CXADR: variants seen among roughly 807,000 people sequenced by gnomAD.
The protein encoded by CXADR is coxsackievirus and adenovirus receptor.
A neutral mutation model predicts 40.3 loss-of-function variants in CXADR; 20 were observed. The ratio of observed to expected loss-of-function variants is 0.50; its 90% confidence interval spans 0.35 to 0.72. CXADR has a LOEUF of 0.72. Among genes scored for constraint, CXADR ranks in the 30% least tolerant of loss-of-function variants. The pLI, the probability that CXADR is intolerant of heterozygous loss-of-function variation, is 0.01. For missense variants in CXADR, 332 were observed against 449.1 expected, an observed-to-expected ratio of 0.74 and a Z score of 2.36; for synonymous variants, 150 against 161.3, an observed-to-expected ratio of 0.93 and a Z score of 0.53.
At chr21:17,628,015 A>T in the CXADR span, among the ~76,000 whole-genome samples, 167 of 152,348 alleles carry the variant, frequency 1.1e-3, 1 homozygote, top group Middle Eastern at 0.014. Flanking sequence ...GTAGAACTCA[A>T]CTTTTCCTTT....
At chr21:17,598,129 G>A (rs1157230355), downstream of CXADR, among the ~76,000 whole-genome samples, 2 of 152,056 alleles carry the variant, frequency 1.3e-5, no homozygotes, top group African/African-American at 2.4e-5. Context: ...GTAAGTGCAG[G>A]CACACTAGCT....
At chr21:17,536,871 C>G (rs1425759643) in intron 1 of CXADR, among the ~76,000 whole-genome samples, 7 of 152,142 alleles carry the variant, frequency 4.6e-5, no homozygotes, top group African/African-American at 1.7e-4. Flanking sequence ...ATTCTCCTGC[C>G]TCAGCCTCCC....
At chr21:17,535,910 A>T (rs2060749047) in intron 1 of CXADR, among the ~76,000 whole-genome samples, 1 of 152,166 alleles carries the variant, frequency 6.6e-6, no homozygotes, top group Non-Finnish European at 1.5e-5. Flanking sequence ...CGAGAGGCTA[A>T]GGTGGGAGGA....
chr21:17,542,971 G>A, intron 1 of CXADR: 1 of 276,594 alleles, frequency 3.6e-6, no homozygotes, highest in Non-Finnish European at 7.4e-6. Context: ...CTTCAGTGTT[G>A]CTAGGAAACC....
At chr21:17,562,447 G>A (rs1347646462) in intron 6 of CXADR, among the ~76,000 whole-genome samples, 4 of 152,178 alleles carry the variant, frequency 2.6e-5, no homozygotes, top group Non-Finnish European at 4.4e-5. Flanking sequence ...TCAGCTTTCC[G>A]AGTATCTGGG....
intron 6 of CXADR, 70 bp downstream of exon 6, chr21:17,561,546 CTTA>C (rs2061121819): frequency 2.2e-5 from 29 of 1,327,382 alleles, no homozygotes; most frequent in Non-Finnish European, 3.0e-5. Context: ...CATTCGTTCT[CTTA>C]TTAACCACCC....
rs187852824 is a variant in CXADR at position 17,580,719 on chromosome 21, A to G, written c.1018-12433A>G. ...ATACTTACTCTATCCTTATACTGGC[A>G]TATACATGTATTTTTTAAAAAATAA... On this transcript the variant is annotated intron_variant, in intron 7 of 7. Coordinates refer to the CXADR transcript ENST00000400169. Among the ~76,000 whole-genome samples, 547 of 152,292 alleles carry G rather than the reference A, an allele frequency of 3.6e-3. 3 individuals are homozygous for G. Among genetic ancestry groups the G allele is most frequent in the Non-Finnish European group, 6.5e-3 (439 of 68,018 alleles).
chr21:17,620,196 T>C, the CXADR span, among the ~76,000 whole-genome samples: 13 of 152,350 alleles, frequency 8.5e-5, no homozygotes, highest in Non-Finnish European at 1.6e-4. Flanking sequence ...CTAAACTTAA[T>C]CATCTCTAGC....
Position 17,567,340 on chromosome 21 carries a change from A to G in CXADR, c.*1648A>G. ...TTTGTGTATAGTTTTACATATTTGGAAGCATTTTAAAAACAGGTTTTAACC... is the reference window on the plus strand; with the variant it reads ...TTTGTGTATAGTTTTACATATTTGGGAGCATTTTAAAAACAGGTTTTAACC... On this transcript the variant is annotated 3_prime_UTR_variant, in exon 7 of 7. Transcript: ENST00000284878. 7.1e-6 allele frequency: 7 copies of G among 985,280 alleles called. No individual in the cohort carries two copies. Among genetic ancestry groups the G allele is most frequent in the Non-Finnish European group, 8.4e-6 (7 of 829,790 alleles). 61.0% of individuals were successfully genotyped at this position (985,280 alleles called of 1,614,324 possible).
chr21:17,542,500 CTG>C (rs2060842640), intron 1 of CXADR, among the ~76,000 whole-genome samples: 1 of 152,118 alleles, frequency 6.6e-6, no homozygotes, highest in Non-Finnish European at 1.5e-5. Flanking sequence ...ATAAGTCAGA[CTG>C]TGCAGAAGAG....
chr21:17,527,724 A>G (rs2060614407), intron 1 of CXADR, among the ~76,000 whole-genome samples: 2 of 152,162 alleles, frequency 1.3e-5, no homozygotes. Flanking sequence ...CCACCTTGGG[A>G]ACCCCTCATC....
intron 1 of CXADR, chr21:17,527,220 G>T (rs1691563017): frequency 6.6e-6 from 1 of 152,154 alleles, no homozygotes; most frequent in South Asian, 2.1e-4. Flanking sequence ...ACAATTGATT[G>T]AAATAATTCA....
chr21:17,629,975 C>CAGA, the CXADR span, among the ~76,000 whole-genome samples: 3 of 152,170 alleles, frequency 2.0e-5, no homozygotes, highest in African/African-American at 7.2e-5. Context: ...ATCAAGCTAT[C>CAGA]TGAGCATTGC....
intron 6 of CXADR, among the ~76,000 whole-genome samples, chr21:17,562,281 G>T (rs923544286): frequency 7.2e-5 from 11 of 152,132 alleles, no homozygotes; most frequent in Non-Finnish European, 1.0e-4. Flanking sequence ...GCTGAAGGTT[G>T]CAGTGGCTAT....
At chr21:17,519,590 T>C (rs1390830915) in intron 1 of CXADR, among the ~76,000 whole-genome samples, 3 of 152,202 alleles carry the variant, frequency 2.0e-5, no homozygotes, top group Non-Finnish European at 2.9e-5. Context: ...TTTTGGTTCT[T>C]TCCCACCCTG....
At chr21:17,636,008 C>T in the CXADR span, among the ~76,000 whole-genome samples, 1 of 152,158 alleles carries the variant, frequency 6.6e-6, no homozygotes. Context: ...AGGTCTTGAA[C>T]ATCTTTTGTC....
intron 1 of CXADR, among the ~76,000 whole-genome samples, chr21:17,531,340 C>T (rs754235071): frequency 6.6e-6 from 1 of 151,718 alleles, no homozygotes; most frequent in Admixed American, 6.6e-5. Context: ...TAAGAAAGTT[C>T]CAGTTGCGCT....
chr21:17,600,694 CAG>C, the CXADR span, among the ~76,000 whole-genome samples: 9 of 151,964 alleles, frequency 5.9e-5, no homozygotes, highest in African/African-American at 1.9e-4. Flanking sequence ...ATTAAAAAAA[CAG>C]AAAAGAAAAT....
Position 17,569,645 on chromosome 21 carries a change from T to C in CXADR, c.*3953T>C. ...TTATCTTTAGGGAAGGCTGATCATT[T>C]ATCTTATAGCAGATAACCCCAGCCT... On this transcript the variant is annotated 3_prime_UTR_variant, in exon 7 of 7. Coordinates refer to ENST00000284878, the MANE Select transcript of CXADR (RefSeq NM_001338.5). 1.0e-6 allele frequency: 1 copy of C among 981,216 alleles called. No homozygotes were observed. The allele number at this position is 981,216 out of a possible 1,614,324, so 60.8% of individuals were successfully genotyped here. A position where few individuals can be genotyped will look rare whatever the true frequency, so the allele number is the denominator to read the frequency against.
Sources: allele counts gnomAD v4.1 joint callset (sites outside exome capture counted in the v4.1 genomes callset), GRCh38; gene constraint gnomAD v4.1.1; transcripts MANE v1.5; gene names NCBI Gene and HGNC (gene_info 2026-07-23, HGNC 2026-07-21).